Variants in KCNH8 observed in about 807,000 individuals in gnomAD.
KCNH8 encodes voltage-gated delayed rectifier potassium channel KCNH8.
In KCNH8, 70 loss-of-function variants were observed where a neutral mutation model predicts 103.6. That is an observed-to-expected ratio of 0.68 (90% CI 0.56 to 0.82). KCNH8 has a LOEUF of 0.82. KCNH8 is among the 40% of genes least tolerant of loss of function. The pLI is 0.00. For missense variants in KCNH8, 1,217 were observed against 1,329.9 expected (o/e 0.92, Z 1.32); for synonymous variants, 498 against 489.4 (o/e 1.02, Z -0.23).
At chr3:19,504,653 T>C (rs2068656089) in intron 11 of KCNH8, among the ~76,000 whole-genome samples, 1 of 152,040 alleles carries the variant, frequency 6.6e-6, no homozygotes, top group South Asian at 2.1e-4. Flanking sequence ...AGTTAGAATG[T>C]CTATTATTAA....
intron 11 of KCNH8, among the ~76,000 whole-genome samples, chr3:19,487,316 T>G (rs1292639916): frequency 6.6e-6 from 1 of 152,204 alleles, no homozygotes; most frequent in South Asian, 2.1e-4. Context: ...TAACAATGTG[T>G]AACGGTTAGG....
chr3:19,470,308 T>G (rs2067828300), intron 11 of KCNH8, among the ~76,000 whole-genome samples: 1 of 152,206 alleles, frequency 6.6e-6, no homozygotes, highest in African/African-American at 2.4e-5. Flanking sequence ...TCAGGAACTC[T>G]TACAGTCAGG....
intron 2 of KCNH8, among the ~76,000 whole-genome samples, chr3:19,258,933 CTCTCTCTCTCTCTCTATATATATA>C (rs1481651194): frequency 9.6e-5 from 8 of 83,542 alleles, no homozygotes; most frequent in Admixed American, 3.5e-4. Flanking sequence ...CTCTCTCTCT[CTCTCTCTCTCTCTCTATATATATA>C]TATATATATA....
chr3:19,527,450 T>C (rs2069084554), intron 15 of KCNH8, among the ~76,000 whole-genome samples: 1 of 152,066 alleles, frequency 6.6e-6, no homozygotes, highest in Non-Finnish European at 1.5e-5. Context: ...ACCAGTTACA[T>C]GGGGACTAAA....
rs889801665 is a variant in KCNH8, at chr3:19,234,851, G to C, written c.77-18803G>C. ...ATCCCAGTCTGAGTGAGTGTGGGTG[G>C]GTGTGAATGCACCCTGCAATAGAAT... On this transcript the variant is annotated intron_variant, in intron 1 of 15. Coordinates refer to ENST00000328405, the MANE Select transcript of KCNH8 (RefSeq NM_144633.3). Among the ~76,000 whole-genome samples the C allele has an allele frequency of 2.0e-5, 3 of 152,370 alleles. No homozygotes were observed. The South Asian group carries it at 6.2e-4, about 32-fold the overall frequency.
chr3:19,212,292 A>G (rs2063778790), intron 1 of KCNH8, among the ~76,000 whole-genome samples: 1 of 152,218 alleles, frequency 6.6e-6, no homozygotes, highest in Non-Finnish European at 1.5e-5. Flanking sequence ...AACAGCTAAT[A>G]GAGCTGGGTT....
chr3:19,202,295 G>A (rs1428556355), intron 1 of KCNH8, among the ~76,000 whole-genome samples: 2 of 152,108 alleles, frequency 1.3e-5, no homozygotes, highest in Admixed American at 6.6e-5. Context: ...AAGATGAGCT[G>A]GGTTGGGTTT....
chr3:19,318,689 A>G (rs766460068), intron 3 of KCNH8, among the ~76,000 whole-genome samples: 6 of 148,744 alleles, frequency 4.0e-5, no homozygotes, highest in Non-Finnish European at 6.0e-5. Flanking sequence ...ACACACACAT[A>G]TACGGTAGAT....
At chr3:19,238,932 A>G (rs1363329555) in intron 1 of KCNH8, among the ~76,000 whole-genome samples, 1 of 152,220 alleles carries the variant, frequency 6.6e-6, no homozygotes, top group Non-Finnish European at 1.5e-5. Context: ...CTAAAATTTT[A>G]AAGGAGCAAA....
intron 5 of KCNH8, among the ~76,000 whole-genome samples, chr3:19,366,606 C>G (rs1210753615): frequency 6.6e-6 from 1 of 151,924 alleles, no homozygotes; most frequent in Non-Finnish European, 1.5e-5. Flanking sequence ...TTCCCTCTTA[C>G]CAAACGAGTT....
chr3:19,421,325 C>G (rs1320066684), intron 7 of KCNH8, among the ~76,000 whole-genome samples: 1 of 151,960 alleles, frequency 6.6e-6, no homozygotes, highest in Non-Finnish European at 1.5e-5. Context: ...CATTTTGAAC[C>G]TCCCATTTTA....
At chr3:19,298,063 T>G (rs2065018004) in intron 3 of KCNH8, among the ~76,000 whole-genome samples, 1 of 152,164 alleles carries the variant, frequency 6.6e-6, no homozygotes, top group African/African-American at 2.4e-5. Flanking sequence ...ATATAAAGTT[T>G]TAATAGGTGA....
chr3:19,206,223 T>TTTATATATATATATAACTGTGATTG (rs2063714655), intron 1 of KCNH8, among the ~76,000 whole-genome samples: 1 of 142,328 alleles, frequency 7.0e-6, no homozygotes, highest in African/African-American at 2.8e-5. Context: ...ATACCACAGT[T>TTTATATATATATATAACTGTGATTG]ATATATATAT....
At chr3:19,358,940 T>C (rs1469626516) in intron 5 of KCNH8, among the ~76,000 whole-genome samples, 2 of 151,156 alleles carry the variant, frequency 1.3e-5, no homozygotes, top group Admixed American at 6.6e-5. Flanking sequence ...AAATATGAAA[T>C]ATTACTAATC....
chr3:19,316,708 G>A (rs2065279609), intron 3 of KCNH8, among the ~76,000 whole-genome samples: 1 of 151,936 alleles, frequency 6.6e-6, no homozygotes, highest in Non-Finnish European at 1.5e-5. Flanking sequence ...ATGCAGAGCA[G>A]CAATGGTGGA....
intron 3 of KCNH8, among the ~76,000 whole-genome samples, chr3:19,338,496 A>C (rs2125314533): frequency 6.6e-6 from 1 of 152,130 alleles, no homozygotes; most frequent in East Asian, 1.9e-4. Context: ...TGGTGAAATA[A>C]TTTTACATTA....
intron 11 of KCNH8, among the ~76,000 whole-genome samples, chr3:19,483,571 A>T (rs897154046): frequency 1.3e-5 from 2 of 152,214 alleles, no homozygotes; most frequent in Non-Finnish European, 2.9e-5. Context: ...CCACATACAT[A>T]ACATGAAGTG....
chr3:19,408,736 A>G (rs2066731946), intron 7 of KCNH8, among the ~76,000 whole-genome samples: 1 of 152,202 alleles, frequency 6.6e-6, no homozygotes, highest in Admixed American at 6.5e-5. Context: ...AGATCTTATC[A>G]ATAGACTGGA....
intron 11 of KCNH8, among the ~76,000 whole-genome samples, chr3:19,478,786 G>A (rs2068027149): frequency 6.6e-6 from 1 of 151,980 alleles, no homozygotes; most frequent in South Asian, 2.1e-4. Context: ...GAAGTCATGT[G>A]TCACCCTAGG....
Sources: gnomAD v4.1 joint callset for allele counts (sites outside exome capture counted in the v4.1 genomes callset) on GRCh38, gnomAD v4.1.1 for gene constraint, MANE v1.5 for transcripts, NCBI Gene and HGNC (gene_info 2026-07-23, HGNC 2026-07-21) for gene names.